Variants in IFT88 observed in about 807,000 individuals in gnomAD.
The protein encoded by IFT88 is intraflagellar transport protein 88 homolog.
IFT88 carries 74 observed loss-of-function variants against 119.5 expected under a neutral mutation model. The ratio of observed to expected loss-of-function variants is 0.62; its 90% CI spans 0.51 to 0.75. The LOEUF (loss-of-function observed/expected upper bound fraction) is 0.75. Among genes scored for constraint, IFT88 ranks in the 30% least tolerant of loss-of-function variants. The pLI is 0.00. For missense variants in IFT88, 961 were observed against 977.7 expected (o/e 0.98, Z 0.23); for synonymous variants, 279 against 316.7 (o/e 0.88, Z 1.26).
rs1257213438 is a variant in IFT88, at chr13:20,664,894, A to G, written c.2175+1290A>G. On this transcript the variant is annotated intron_variant, in intron 23 of 25. Transcript: ENST00000351808. Reference sequence around the variant, plus strand: ...GGAGATCGAGACCATCCTGGCTAACACACTGAAACTCTGTCTCTACTAAAA... The same window carrying G: ...GGAGATCGAGACCATCCTGGCTAACGCACTGAAACTCTGTCTCTACTAAAA... Among the ~76,000 whole-genome samples, 11 of 152,256 alleles carry G rather than the reference A, an allele frequency of 7.2e-5. No homozygotes were observed. In the East Asian group the frequency reaches 1.7e-3, roughly 24 times the overall value.
At chr13:20,597,752 A>AT (rs1401851558) in intron 9 of IFT88, among the ~76,000 whole-genome samples, 2 of 133,364 alleles carry the variant, frequency 1.5e-5, no homozygotes, top group South Asian at 4.7e-4. Context: ...TCTCAAAAAA[A>AT]AAATATATAT....
chr13:20,570,859 A>G (rs2036215302), intron 1 of IFT88, among the ~76,000 whole-genome samples: 1 of 152,196 alleles, frequency 6.6e-6, no homozygotes, highest in Non-Finnish European at 1.5e-5. Context: ...TATGAATTAT[A>G]GTTCAAAAAC....
intron 2 of IFT88, among the ~76,000 whole-genome samples, chr13:20,579,164 T>G (rs754069010): frequency 6.6e-6 from 1 of 152,248 alleles, no homozygotes; most frequent in Non-Finnish European, 1.5e-5. Flanking sequence ...AACTTCTCTC[T>G]TAATACTGTT....
chr13:20,680,498 G>A (rs1466980103), intron 24 of IFT88, among the ~76,000 whole-genome samples: 1 of 152,170 alleles, frequency 6.6e-6, no homozygotes, highest in Non-Finnish European at 1.5e-5. Context: ...AGTCACTGGG[G>A]GAATACTCAT....
chr13:20,592,977 G>T (rs2040968719), intron 7 of IFT88, among the ~76,000 whole-genome samples: 1 of 152,090 alleles, frequency 6.6e-6, no homozygotes, highest in Admixed American at 6.6e-5. Flanking sequence ...TGAAGATATG[G>T]TCTAATTTTT....
Position 20,615,248 on chromosome 13 carries a change from C to T in IFT88, c.1113-545C>T, listed in dbSNP as rs537749027. On this transcript the variant is annotated intron_variant, in intron 13 of 25. Transcript: ENST00000351808. ...GAAGAAATGACTAAGAGAACTTTTA[C>T]CCACCACTATAAATTGGTATATCCA... Among the ~76,000 whole-genome samples, 13 of 152,284 alleles carry T rather than the reference C, an allele frequency of 8.5e-5. No homozygotes were observed. The South Asian group carries it at 2.7e-3, about 32-fold the overall frequency.
intron 20 of IFT88, among the ~76,000 whole-genome samples, chr13:20,652,416 C>T (rs1049217255): frequency 5.3e-5 from 8 of 151,836 alleles, no homozygotes; most frequent in East Asian, 1.9e-4. Flanking sequence ...ACAGGCGGAT[C>T]GCTTGACCTC....
intron 22 of IFT88, among the ~76,000 whole-genome samples, chr13:20,660,702 A>G (rs2140767319): frequency 6.6e-6 from 1 of 152,282 alleles, no homozygotes; most frequent in Admixed American, 6.5e-5. Context: ...TGTCAAGGGT[A>G]ATTGCACAAA....
At chr13:20,588,804 G>C (rs894705501) in intron 3 of IFT88, among the ~76,000 whole-genome samples, 1 of 152,164 alleles carries the variant, frequency 6.6e-6, no homozygotes, top group Non-Finnish European at 1.5e-5. Flanking sequence ...CCTTAATCCA[G>C]TCGGGTTTGA....
At chr13:20,604,568 T>A (rs1382782969) in intron 12 of IFT88, among the ~76,000 whole-genome samples, 2 of 152,192 alleles carry the variant, frequency 1.3e-5, no homozygotes, top group African/African-American at 4.8e-5. Flanking sequence ...ATCAGAAATA[T>A]GAAAAAGAAA....
chr13:20,597,101 T>C lies in IFT88; in HGVS notation c.576T>C (p.Asn192=), dbSNP rs1489061523. 6.3e-7 allele frequency: 1 copy of C among 1,592,126 alleles called. No homozygotes were observed. Among genetic ancestry groups the C allele is most frequent in the Admixed American group, 1.7e-5 (1 of 58,544 alleles). The change falls in exon 9 of 26, where the codon AAT becomes AAC. Residue 192 remains asparagine, a synonymous_variant. Coordinates refer to ENST00000351808, the MANE Select transcript of IFT88 (RefSeq NM_006531.5). ...AAGTTACAACTCCAGAAAATATCAA[T>C]TTGGATTTAACTTACTCAGTAAGTA... is the stretch of plus-strand genomic sequence containing the variant. ...REQVTTPENI[N]LDLTYSVLFN...
At chr13:20,665,856 G>T (rs573056348) in intron 23 of IFT88, among the ~76,000 whole-genome samples, 2 of 152,192 alleles carry the variant, frequency 1.3e-5, no homozygotes, top group Admixed American at 1.3e-4. Context: ...GTTCCCAGAC[G>T]GGCTTGTGTT....
intron 14 of IFT88, among the ~76,000 whole-genome samples, chr13:20,617,525 A>G (rs776041308): frequency 2.6e-5 from 4 of 152,242 alleles, no homozygotes; most frequent in Non-Finnish European, 5.9e-5. Context: ...CAAAGAAGGA[A>G]TTCAAGTCCT....
At chr13:20,579,645 T>G (rs1447728538) in intron 2 of IFT88, among the ~76,000 whole-genome samples, 1 of 152,190 alleles carries the variant, frequency 6.6e-6, no homozygotes, top group Non-Finnish European at 1.5e-5. Flanking sequence ...TCTAACCCAC[T>G]GTGGCTGAGC....
Position 20,568,088 on chromosome 13 carries a change from C to G in IFT88, c.-7+832C>G. On this transcript the variant is annotated intron_variant, in intron 1 of 25. Coordinates refer to ENST00000351808, the MANE Select transcript of IFT88 (RefSeq NM_006531.5). ...ATTTGTGTTGGGCCACATTCAAAGCCGTCCTGTGCCACGTGCGGGCCGGGG... is the reference window on the plus strand; with the variant it reads ...ATTTGTGTTGGGCCACATTCAAAGCGGTCCTGTGCCACGTGCGGGCCGGGG... The G allele has an allele frequency of 5.7e-6, 4 of 696,424 alleles. No individual in the cohort carries two copies. In the East Asian group the frequency reaches 1.1e-4, roughly 19 times the overall value. 43.1% of individuals were successfully genotyped at this position (696,424 alleles called of 1,614,324 possible).
intron 15 of IFT88, among the ~76,000 whole-genome samples, chr13:20,630,782 CTA>C (rs1475152402): frequency 6.6e-6 from 1 of 152,154 alleles, no homozygotes; most frequent in Non-Finnish European, 1.5e-5. Flanking sequence ...GTTAGAACAT[CTA>C]TGTTTTCTTA....
intron 24 of IFT88, among the ~76,000 whole-genome samples, chr13:20,679,121 T>G (rs1444885225): frequency 6.6e-6 from 1 of 152,240 alleles, no homozygotes; most frequent in Non-Finnish European, 1.5e-5. Context: ...GTGCTCTGTT[T>G]CATTATACAG....
Position 20,653,920 on chromosome 13 carries a change from G to A in IFT88, c.1994G>A (p.Arg665Lys), listed in dbSNP as rs1330337298. The change falls in exon 21 of 26, where the codon AGA becomes AAA. Residue 665 changes from arginine to lysine, a missense_variant. Physicochemically the swap from Arg to Lys is conservative, Grantham distance 26. Coordinates refer to ENST00000351808, the MANE Select transcript of IFT88 (RefSeq NM_006531.5). The stretch of plus-strand genomic sequence containing the variant: ...CAGCTGATGGTAGCTAGTTGTTTCA[G>A]AAGAAGTGGTAAATGCTTTAGTTTT... ...KWQLMVASCF[R>K]RSGNYQKALD... 6.3e-7 allele frequency: 1 copy of A among 1,583,302 alleles called. No individual in the cohort carries two copies. The highest frequency in any genetic ancestry group is 1.4e-5 in the African/African-American group (1 of 73,768).
chr13:20,638,068 T>C (rs1239986100), intron 16 of IFT88, among the ~76,000 whole-genome samples: 1 of 152,114 alleles, frequency 6.6e-6, no homozygotes, highest in Admixed American at 6.6e-5. Flanking sequence ...AATTTGGGCG[T>C]TGAGTATGGA....
Sources: gnomAD v4.1 joint callset for allele counts (sites outside exome capture counted in the v4.1 genomes callset) on GRCh38, gnomAD v4.1.1 for gene constraint, MANE v1.5 for transcripts, NCBI Gene and HGNC (gene_info 2026-07-23, HGNC 2026-07-21) for gene names.